Variants in SIRT2 observed in about 807,000 individuals in gnomAD.
SIRT2 encodes sirtuin 2.
Under a neutral mutation model 57.4 loss-of-function variants are expected in SIRT2, and 40 were observed. That is an observed-to-expected ratio of 0.70 (90% CI 0.54 to 0.91). SIRT2 has a LOEUF of 0.91. Among genes scored for constraint, SIRT2 ranks in the 40% least tolerant of loss-of-function variants. The probability of loss-of-function intolerance (pLI) is 0.00; values close to 1 mark genes in which losing one functional copy is unlikely to be tolerated. For missense variants in SIRT2, 439 were observed against 510.4 expected (o/e 0.86, Z 1.35); for synonymous variants, 161 against 195.7 (o/e 0.82, Z 1.48).
chr19:38,881,471 T>C lies in SIRT2; in HGVS notation c.652A>G (p.Thr218Ala), dbSNP rs762603207. 1.5e-5 allele frequency: 25 copies of C among 1,613,688 alleles called. No homozygotes were observed. Among genetic ancestry groups the C allele is most frequent in the African/African-American group, 2.7e-5 (2 of 74,832 alleles). ...CTCTGACAGTCTTCACACTTGGGCG[T>C]CACCTCAGAGAAGATCTTCTCTGGG... The part of the protein sequence containing the change: ...WMKEKIFSEV[T>A]PKCEDCQSLV... Residue 218 changes from threonine (T) to alanine (A), a missense_variant, in exon 10 of 16, where the codon ACG (threonine) becomes GCG (alanine). Coordinates refer to ENST00000249396, the MANE Select transcript of SIRT2 (RefSeq NM_012237.4).
chr19:38,891,188 T>C (rs985970400), intron 4 of SIRT2, among the ~76,000 whole-genome samples: 4 of 152,334 alleles, frequency 2.6e-5, no homozygotes, highest in African/African-American at 9.6e-5. Flanking sequence ...TATCAAATAA[T>C]AGGGCACTTG....
In SIRT2 at chr19:38,888,990, G is replaced by A. The variant is rs1002653643; in HGVS notation, c.501+97C>T. The A allele has an allele frequency of 2.8e-5, 32 of 1,138,406 alleles. No individual in the cohort carries two copies. The highest frequency in any genetic ancestry group is 2.1e-4 in the African/African-American group (14 of 66,076). The allele number at this position is 1,138,406 out of a possible 1,614,324, so 70.5% of individuals were successfully genotyped here. ...CTGGCCCCGCATTGCTGGAGTCCCC[G>A]CCTGAGCTCTTGGGCACGCAGCTCT... On this transcript the variant is annotated intron_variant, in intron 8 of 15. Coordinates refer to ENST00000249396, the MANE Select transcript of SIRT2 (RefSeq NM_012237.4).
intron 13 of SIRT2, 42 bp from the exon 14 acceptor site, chr19:38,879,744 G>T (rs200350629): frequency 3.9e-4 from 575 of 1,468,084 alleles, no homozygotes; most frequent in Non-Finnish European, 5.2e-4. Flanking sequence ...GCAGGGAAGG[G>T]AGAGCTAAGA....
At chr19:38,884,238 A>G (rs1484753407) in intron 8 of SIRT2, among the ~76,000 whole-genome samples, 1 of 152,028 alleles carries the variant, frequency 6.6e-6, no homozygotes, top group Non-Finnish European at 1.5e-5. Context: ...CAGAAAAAAA[A>G]TGTTGTTTTA....
intron 8 of SIRT2, among the ~76,000 whole-genome samples, chr19:38,884,108 TA>T (rs61351914): frequency 0.63 from 72,864 of 116,134 alleles, 20,903 homozygotes; most frequent in African/African-American, 0.78. Context: ...TACAAAAAAT[TA>T]AAAAAAAAAA....
In SIRT2 at chr19:38,884,799, T is replaced by C. The variant is rs193013923; in HGVS notation, c.502-1043A>G. ...TCTCACTCTGTCGCCCAGGCTATAG[T>C]GCAGTGGTACAATCATAGCTCACTG... On this transcript the variant is annotated intron_variant, in intron 8 of 15. Transcript: ENST00000249396. 7.3e-4 allele frequency among the ~76,000 whole-genome samples: 111 copies of C among 152,266 alleles called. 1 individual carries two copies. Among genetic ancestry groups the C allele is most frequent in the African/African-American group, 2.4e-3 (101 of 41,552 alleles).
chr19:38,890,464 G>C (rs1482060486), intron 4 of SIRT2: 1 of 363,556 alleles, frequency 2.8e-6, no homozygotes, highest in Non-Finnish European at 5.1e-6. Flanking sequence ...GCTGAGGCAG[G>C]CGGGTCATCT....
chr19:38,879,968 G>T, intron 13 of SIRT2: 1 of 482,692 alleles, frequency 2.1e-6, no homozygotes, highest in African/African-American at 1.9e-5. Flanking sequence ...CTGGATGACA[G>T]GTGCCCAGCA....
intron 8 of SIRT2, among the ~76,000 whole-genome samples, chr19:38,885,027 C>G (rs931976277): frequency 6.6e-6 from 1 of 152,134 alleles, no homozygotes; most frequent in African/African-American, 2.4e-5. Context: ...CTATCTTCCC[C>G]TTTAGTAGCC....
At chr19:38,895,889 G>T (rs1973700589) in intron 2 of SIRT2, among the ~76,000 whole-genome samples, 1 of 152,178 alleles carries the variant, frequency 6.6e-6, no homozygotes, top group African/African-American at 2.4e-5. Context: ...TGGCCAACAT[G>T]ATGAAACCCC....
chr19:38,885,117 GCT>G (rs1568398737), intron 8 of SIRT2, among the ~76,000 whole-genome samples: 1 of 151,624 alleles, frequency 6.6e-6, no homozygotes, highest in African/African-American at 2.4e-5. Flanking sequence ...GCAGGGTCTT[GCT>G]CTGTCACTCA....
chr19:38,898,684 G>T, intron 1 of SIRT2: 2 of 355,848 alleles, frequency 5.6e-6, no homozygotes, highest in East Asian at 4.1e-5. Flanking sequence ...GAAAGTAGGG[G>T]CTTTTGCCCA....
chr19:38,895,869 G>A (rs1315737982), intron 2 of SIRT2, among the ~76,000 whole-genome samples: 2 of 152,138 alleles, frequency 1.3e-5, no homozygotes, highest in Non-Finnish European at 2.9e-5. Flanking sequence ...TCAGGAGATC[G>A]AGACCATCCT....
Position 38,883,714 on chromosome 19 carries a change from C to T in SIRT2, c.544G>A (p.Asp182Asn), listed in dbSNP as rs764400439. 3 of 1,614,060 alleles carry T rather than the reference C, an allele frequency of 1.9e-6. No homozygotes were observed. The Admixed American group carries it at 5.0e-5, about 27-fold the overall frequency. ...AAGGTGCCGTGCGCCTCCACCAAGT[C>T]CTCCTGTTCCAGCCCGGCTATTCGC... Reference protein sequence around the residue: ...LERIAGLEQEDLVEAHGTFYT... With the variant: ...LERIAGLEQENLVEAHGTFYT... The change falls in exon 9 of 16, where the codon GAC becomes AAC. Residue 182 changes from aspartate to asparagine, a missense_variant. Physicochemically the swap from Asp to Asn is conservative, Grantham distance 23. Transcript: ENST00000249396.
rs770012585 is a variant in SIRT2, at chr19:38,893,882, G to A, written c.64-15C>T. 10 of 1,614,080 alleles carry A rather than the reference G, an allele frequency of 6.2e-6. No homozygotes were observed. In the South Asian group the frequency reaches 9.9e-5, roughly 16 times the overall value. On this transcript the variant is annotated splice_polypyrimidine_tract_variant and intron_variant, in intron 2 of 15. Coordinates refer to ENST00000249396, the MANE Select transcript of SIRT2 (RefSeq NM_012237.4). ...GAATCTGAGTCCTGGAAGGGGTGGG[G>A]TGGAGTGGCCAGGCCCGAGAGGTGG... is the stretch of plus-strand genomic sequence containing the variant.
chr19:38,879,770 C>T (rs1973078426), intron 13 of SIRT2, 68 bp from the exon 14 acceptor site: 5 of 1,222,082 alleles, frequency 4.1e-6, no homozygotes, highest in Non-Finnish European at 5.8e-6. Context: ...GACCCTGGAG[C>T]CAGGTGGCCT....
intron 4 of SIRT2, among the ~76,000 whole-genome samples, chr19:38,892,832 C>T (rs1973587358): frequency 6.6e-6 from 1 of 152,196 alleles, no homozygotes. Context: ...CCCACGATGG[C>T]CTCCCAAAGT....
intron 9 of SIRT2, among the ~76,000 whole-genome samples, chr19:38,882,366 G>A (rs1254929630): frequency 6.6e-6 from 1 of 152,160 alleles, no homozygotes; most frequent in Non-Finnish European, 1.5e-5. Context: ...CGGGTGTGGT[G>A]GCTCACGCCT....
chr19:38,893,964 A>G (rs1600127502), intron 2 of SIRT2, 97 bp from the exon 3 acceptor site: 1 of 1,585,280 alleles, frequency 6.3e-7, no homozygotes, highest in Non-Finnish European at 8.6e-7. Flanking sequence ...CTGTGGCAGG[A>G]AGGTGGCCTG....
Sources: gnomAD v4.1 joint callset for allele counts (sites outside exome capture counted in the v4.1 genomes callset) on GRCh38, gnomAD v4.1.1 for gene constraint, MANE v1.5 for transcripts, NCBI Gene and HGNC (gene_info 2026-07-23, HGNC 2026-07-21) for gene names.